The following BDNF variants were observed in gnomAD, a reference collection of about 807,000 sequenced individuals.
BDNF encodes the protein neurotrophic factor BDNF precursor form.
Under a neutral mutation model 19.5 loss-of-function variants are expected in BDNF, and 1 was observed. The observed-to-expected ratio is 0.05, with a 90% confidence interval of 0.02 to 0.24. The LOEUF is 0.24. BDNF is among the 10% of genes least tolerant of loss of function. The pLI, the probability that BDNF is intolerant of heterozygous loss-of-function variation, is 1.00. For synonymous variants in BDNF, 100 were observed against 121.6 expected (o/e 0.82, Z 1.17); for missense variants, 195 against 317.6 (o/e 0.61, Z 2.93).
intron 1 of BDNF, among the ~76,000 whole-genome samples, chr11:27,663,895 T>G (rs1452524937): frequency 1.3e-5 from 2 of 152,170 alleles, no homozygotes; most frequent in Non-Finnish European, 2.9e-5. Flanking sequence ...TAAGGCTTGA[T>G]TACTTAAATG....
intron 1 of BDNF, among the ~76,000 whole-genome samples, chr11:27,669,301 T>C (rs926742472): frequency 6.6e-6 from 1 of 152,182 alleles, no homozygotes; most frequent in Non-Finnish European, 1.5e-5. Context: ...GCCAATGTCA[T>C]ACTGAATGGG....
intron 1 of BDNF, chr11:27,721,388 A>G: frequency 6.2e-7 from 1 of 1,613,824 alleles, no homozygotes; most frequent in Non-Finnish European, 8.5e-7. Flanking sequence ...TTTCAATTAT[A>G]ATGCAGGTTT....
chr11:27,689,551 A>G (rs936494180), intron 1 of BDNF, among the ~76,000 whole-genome samples: 3 of 152,222 alleles, frequency 2.0e-5, no homozygotes, highest in Non-Finnish European at 4.4e-5. Flanking sequence ...TCTCAGTACC[A>G]ATGCCTACTG....
intron 1 of BDNF, among the ~76,000 whole-genome samples, chr11:27,679,544 C>T (rs1167177862): frequency 6.6e-6 from 1 of 152,084 alleles, no homozygotes; most frequent in Non-Finnish European, 1.5e-5. Flanking sequence ...GTGATTGCCC[C>T]AAGTTTAAAC....
upstream of BDNF, chr11:27,701,516 G>C: frequency 1.0e-6 from 1 of 988,386 alleles, no homozygotes; most frequent in Non-Finnish European, 1.2e-6. Flanking sequence ...GGTAATACTC[G>C]CACCCCATCA....
At chr11:27,669,828 C>T (rs534968800) in intron 1 of BDNF, among the ~76,000 whole-genome samples, 30 of 152,222 alleles carry the variant, frequency 2.0e-4, no homozygotes, top group African/African-American at 7.0e-4. Context: ...AATGGCCATA[C>T]TACCCAAGGT....
intron 1 of BDNF, among the ~76,000 whole-genome samples, chr11:27,713,964 G>A (rs1301981686): frequency 6.6e-6 from 1 of 152,170 alleles, no homozygotes; most frequent in Admixed American, 6.5e-5. Flanking sequence ...TTAATACTTT[G>A]TAATACATTT....
At chr11:27,709,190 T>C (rs1044344323) in intron 1 of BDNF, among the ~76,000 whole-genome samples, 10 of 152,174 alleles carry the variant, frequency 6.6e-5, no homozygotes, top group African/African-American at 2.4e-4. Flanking sequence ...GTTGTTTTCT[T>C]GGGGTGGAGG....
In BDNF at chr11:27,656,953, G is replaced by A. The variant is rs77500722; in HGVS notation, c.*868C>T. 1.0e-6 allele frequency: 1 copy of A among 985,260 alleles called. No homozygotes were observed. Among genetic ancestry groups the A allele is most frequent in the African/African-American group, 1.7e-5 (1 of 57,190 alleles). The allele number at this position is 985,260 out of a possible 1,614,324, so 61.0% of individuals were successfully genotyped here. On this transcript the variant is annotated 3_prime_UTR_variant, in exon 2 of 2. Transcript: ENST00000356660. ...AAACAAAACAAAGAGGAGACCAGAG[G>A]GGGAGGGGGGGAAAGAATGTGTTCT...
chr11:27,698,546 A>G (rs894828322), intron 1 of BDNF, among the ~76,000 whole-genome samples: 15 of 152,202 alleles, frequency 9.9e-5, no homozygotes, highest in African/African-American at 3.1e-4. Flanking sequence ...TAAGACCAAA[A>G]TGGCTTTTGA....
chr11:27,700,159 C>T lies in BDNF; in HGVS notation c.-22+5G>A. 1.0e-6 allele frequency: 1 copy of T among 985,876 alleles called. No homozygotes were observed. Among genetic ancestry groups the T allele is most frequent in the Non-Finnish European group, 1.2e-6 (1 of 830,314 alleles). The allele number at this position is 985,876 out of a possible 1,614,324, so 61.1% of individuals were successfully genotyped here. A position where few individuals can be genotyped will look rare whatever the true frequency, so the allele number is the denominator to read the frequency against. On this transcript the variant is annotated splice_donor_5th_base_variant and intron_variant, in intron 1 of 1. Transcript: ENST00000356660. ...CACCAAGCCCCATTCCCAGCGCTTGCCTACCTCGGGGTCCACACAAACCTC... is the reference window on the plus strand; with the variant it reads ...CACCAAGCCCCATTCCCAGCGCTTGTCTACCTCGGGGTCCACACAAACCTC...
chr11:27,703,615 C>T (rs1859997808), upstream of BDNF, among the ~76,000 whole-genome samples: 1 of 152,156 alleles, frequency 6.6e-6, no homozygotes, highest in Non-Finnish European at 1.5e-5. Flanking sequence ...GGTCTATGGC[C>T]AATCTTCTTA....
At chr11:27,660,330 A>T (rs975326278) in intron 1 of BDNF, 1 of 802,216 alleles carries the variant, frequency 1.2e-6, no homozygotes, top group Non-Finnish European at 1.8e-6. Context: ...AATAGCAAAC[A>T]TGCTTAGAAC....
intron 1 of BDNF, chr11:27,699,346 T>G (rs1859608297): frequency 6.2e-7 from 1 of 1,613,050 alleles, no homozygotes; most frequent in African/African-American, 1.3e-5. Flanking sequence ...GAGCCCCCAA[T>G]CCTCAGCTAT....
Position 27,659,627 on chromosome 11 carries a change from C to CTGTGTGTG in BDNF, c.-21-1043_-21-1042insCACACACA, listed in dbSNP as rs71449160. On this transcript the variant is annotated intron_variant, in intron 1 of 1. Coordinates refer to ENST00000356660, the MANE Select transcript of BDNF (RefSeq NM_001709.5). ...CTTTTCTTTTTACTAGAGATGTTCTCTCTGTGTGTGTGTGTGTGTGTGCGC... is the reference window on the plus strand; with the variant it reads ...CTTTTCTTTTTACTAGAGATGTTCTCTGTGTGTGTCTGTGTGTGTGTGTGTGTGTGCGC... 2.4e-5 allele frequency: 22 copies of CTGTGTGTG among 917,152 alleles called. No individual in the cohort carries two copies. The African/African-American group carries it at 2.5e-4, about 10-fold the overall frequency. 56.8% of individuals were successfully genotyped at this position (917,152 alleles called of 1,614,324 possible).
chr11:27,677,021 G>A (rs1333637910), intron 1 of BDNF: 2 of 152,250 alleles, frequency 1.3e-5, no homozygotes, highest in African/African-American at 4.8e-5. Flanking sequence ...TTCCGTGTGT[G>A]TCACTAGAGC....
upstream of BDNF, among the ~76,000 whole-genome samples, chr11:27,703,443 G>GA (rs571173750): frequency 7.2e-5 from 11 of 152,202 alleles, no homozygotes; most frequent in South Asian, 2.3e-3. Context: ...TTTCCTTCCT[G>GA]AAAAAATACC....
chr11:27,719,339 T>G (rs1323084433), intron 1 of BDNF, among the ~76,000 whole-genome samples: 1 of 152,184 alleles, frequency 6.6e-6, no homozygotes, highest in African/African-American at 2.4e-5. Flanking sequence ...CGCGTCCAGC[T>G]GATTGGTGGC....
intron 1 of BDNF, among the ~76,000 whole-genome samples, chr11:27,665,648 GC>G (rs1854180822): frequency 6.6e-6 from 1 of 152,192 alleles, no homozygotes; most frequent in Non-Finnish European, 1.5e-5. Context: ...AGGGTCCCAT[GC>G]CCACGGAGCC....
Sources: gnomAD v4.1 joint callset for allele counts (sites outside exome capture counted in the v4.1 genomes callset) on GRCh38, gnomAD v4.1.1 for gene constraint, MANE v1.5 for transcripts, NCBI Gene and HGNC (gene_info 2026-07-23, HGNC 2026-07-21) for gene names.